Variants in CRTC3 observed in about 807,000 individuals in gnomAD.
The protein encoded by CRTC3 is CREB-regulated transcription coactivator 3.
Under a neutral mutation model 74.5 loss-of-function variants are expected in CRTC3, and 26 were observed. The ratio of observed to expected loss-of-function variants is 0.35; its 90% CI spans 0.26 to 0.48. The LOEUF is 0.48. Among genes scored for constraint, CRTC3 ranks in the 20% least tolerant of loss-of-function variants. The pLI is 0.99. For synonymous variants in CRTC3, 377 were observed against 325.8 expected (o/e 1.16, Z -1.69); for missense variants, 760 against 787.3 (o/e 0.97, Z 0.41).
chr15:90,587,814 A>G (rs977413189), intron 2 of CRTC3, among the ~76,000 whole-genome samples: 4 of 151,918 alleles, frequency 2.6e-5, no homozygotes, highest in African/African-American at 9.7e-5. Context: ...GGGTTTTGCC[A>G]TATTGCCAAG....
At chr15:90,549,568 G>T (rs1966850696) in intron 2 of CRTC3, among the ~76,000 whole-genome samples, 1 of 152,146 alleles carries the variant, frequency 6.6e-6, no homozygotes. Flanking sequence ...TTGAGCCCAG[G>T]AGTTGGAGAA....
rs1280868755 is a variant in CRTC3, at chr15:90,602,439, T to G, written c.413+54T>G. The G allele has an allele frequency of 3.1e-6, 3 of 961,880 alleles. No homozygotes were observed. In the African/African-American group the frequency reaches 4.9e-5, roughly 16 times the overall value. The allele number at this position is 961,880 out of a possible 1,614,324, so 59.6% of individuals were successfully genotyped here. ...ATGGGCATGTGTTATTTTTAGATAA[T>G]TTCACTTTATCCACTTTGAATGTTG... On this transcript the variant is annotated intron_variant, in intron 4 of 14. Coordinates refer to ENST00000268184, the MANE Select transcript of CRTC3 (RefSeq NM_022769.5).
chr15:90,530,648 C>T lies in CRTC3; in HGVS notation c.132+445C>T, dbSNP rs926976398. ...TGGAAGGCCGCGGGCACCCCAGGGT[C>T]CCACGCGCTCGTGGGGGGAGCTCTG... On this transcript the variant is annotated intron_variant, in intron 1 of 14. Transcript: ENST00000268184. This position sits in a 1 kb window ranked among gnomAD's most constrained non-coding sequence, Gnocchi z 6.2. The T allele has an allele frequency of 1.3e-5, 2 of 152,202 alleles. No individual in the cohort carries two copies. The highest frequency in any genetic ancestry group is 2.9e-5 in the Non-Finnish European group (2 of 68,062). The allele number at this position is 152,202 out of a possible 1,614,324, so 9.4% of individuals were successfully genotyped here.
intron 2 of CRTC3, among the ~76,000 whole-genome samples, chr15:90,564,491 C>T (rs1487646811): frequency 1.3e-5 from 2 of 152,192 alleles, no homozygotes; most frequent in South Asian, 2.1e-4. Flanking sequence ...CTCTGCCCTA[C>T]GTCTGGCCTT....
intron 2 of CRTC3, among the ~76,000 whole-genome samples, chr15:90,571,806 G>A (rs1422830974): frequency 6.6e-6 from 1 of 152,066 alleles, no homozygotes. Flanking sequence ...GCGTGTGTGT[G>A]TATATACATA....
At chr15:90,559,617 G>GTTGT (rs751786066) in intron 2 of CRTC3, among the ~76,000 whole-genome samples, 24 of 152,062 alleles carry the variant, frequency 1.6e-4, no homozygotes, top group East Asian at 7.7e-4. Flanking sequence ...TCATTTTGTG[G>GTTGT]TTGTTTGTTT....
intron 2 of CRTC3, among the ~76,000 whole-genome samples, chr15:90,572,029 G>A (rs1967279199): frequency 3.9e-5 from 6 of 152,056 alleles, no homozygotes; most frequent in Admixed American, 3.9e-4. Flanking sequence ...GGGCATGGTG[G>A]TGTGTGCCTG....
At chr15:90,583,645 GA>G (rs1451468736) in intron 2 of CRTC3, among the ~76,000 whole-genome samples, 2 of 152,192 alleles carry the variant, frequency 1.3e-5, no homozygotes, top group African/African-American at 4.8e-5. Context: ...GCTGCTGGGG[GA>G]AAAGCCTTCC....
At chr15:90,607,023 C>G (rs934419055) in intron 5 of CRTC3, among the ~76,000 whole-genome samples, 1 of 122,936 alleles carries the variant, frequency 8.1e-6, no homozygotes, top group African/African-American at 3.1e-5. Context: ...TGGAGAAAAC[C>G]TAGTGCAGCC....
At position 90,530,368 on chromosome 15, in the gene CRTC3, C is replaced by T. The variant is rs1966605854; in HGVS notation, c.132+165C>T. On this transcript the variant is annotated intron_variant, in intron 1 of 14. Coordinates refer to ENST00000268184, the MANE Select transcript of CRTC3 (RefSeq NM_022769.5). The surrounding 1 kb of genome is among the most constrained non-coding windows in gnomAD (Gnocchi z 6.2). ...CGGAGCGGCCGCGGCCTCGGCGTTTCCCCGCCTGGCGACACCCGCTAGCCG... is the reference window on the plus strand; with the variant it reads ...CGGAGCGGCCGCGGCCTCGGCGTTTTCCCGCCTGGCGACACCCGCTAGCCG... Among the ~76,000 whole-genome samples the T allele has an allele frequency of 6.6e-6, 1 of 151,732 alleles. No individual in the cohort carries two copies. The highest frequency in any genetic ancestry group is 1.5e-5 in the Non-Finnish European group (1 of 67,826).
At chr15:90,592,415 A>G (rs114952389) in intron 2 of CRTC3, among the ~76,000 whole-genome samples, 43 of 152,334 alleles carry the variant, frequency 2.8e-4, no homozygotes, top group African/African-American at 8.2e-4. Context: ...TCTGTTTTCT[A>G]TATTTCACAA....
At chr15:90,550,728 T>C (rs896316726) in intron 2 of CRTC3, among the ~76,000 whole-genome samples, 2 of 151,970 alleles carry the variant, frequency 1.3e-5, no homozygotes, top group Non-Finnish European at 2.9e-5. Flanking sequence ...TAAAGTAGCA[T>C]ATAGGTACCA....
intron 5 of CRTC3, among the ~76,000 whole-genome samples, chr15:90,605,293 T>C (rs779919411): frequency 5.9e-5 from 9 of 152,200 alleles, no homozygotes; most frequent in Non-Finnish European, 1.3e-4. Context: ...AAATTTTAAA[T>C]ATACTCAAAC....
chr15:90,581,902 C>G lies in CRTC3; in HGVS notation c.232-11734C>G, dbSNP rs1423782152. On this transcript the variant is annotated intron_variant, in intron 2 of 14. Transcript: ENST00000268184. ...GGTGCCTGTCTTTTACATATATTTCCTACGGCAGGAAGAGGTTGGTGTGGG... is the reference window on the plus strand; with the variant it reads ...GGTGCCTGTCTTTTACATATATTTCGTACGGCAGGAAGAGGTTGGTGTGGG... Among the ~76,000 whole-genome samples the G allele has an allele frequency of 2.0e-5, 3 of 152,144 alleles. 1 individual carries two copies. Among genetic ancestry groups the G allele is most frequent in the African/African-American group, 7.2e-5 (3 of 41,416 alleles).
At chr15:90,612,081 C>T (rs935558370) in intron 6 of CRTC3, among the ~76,000 whole-genome samples, 1 of 146,210 alleles carries the variant, frequency 6.8e-6, no homozygotes, top group South Asian at 2.2e-4. Context: ...CCTCCTCCTC[C>T]GCCTCCTCCT....
At chr15:90,537,324 A>G (rs1261141394) in intron 1 of CRTC3, among the ~76,000 whole-genome samples, 1 of 152,244 alleles carries the variant, frequency 6.6e-6, no homozygotes. Context: ...AGGAGGCGTC[A>G]GAGTTGTTTG....
chr15:90,642,117 A>C lies in CRTC3; in HGVS notation c.1837A>C (p.Thr613Pro). The change falls in exon 15 of 15, where the codon ACG (threonine) becomes CCG (proline). Residue 613 changes from threonine to proline, a missense_variant. Thr to Pro is a conservative substitution (Grantham distance 38). Coordinates refer to ENST00000268184, the MANE Select transcript of CRTC3 (RefSeq NM_022769.5). Reference sequence around the variant, plus strand: ...CCTGCTGGACCCCTCTGTTGAAGAGACGTTTCGAGCTGACAGACTGTGAAC... The same window carrying C: ...CCTGCTGGACCCCTCTGTTGAAGAGCCGTTTCGAGCTGACAGACTGTGAAC... ...MGLLDPSVEE[T>P]FRADRL 1 of 1,614,032 alleles carries C rather than the reference A, an allele frequency of 6.2e-7. No individual in the cohort carries two copies. Among genetic ancestry groups the C allele is most frequent in the East Asian group, 2.2e-5 (1 of 44,882 alleles).
intron 11 of CRTC3, among the ~76,000 whole-genome samples, chr15:90,635,798 G>A (rs991798566): frequency 3.3e-5 from 5 of 152,126 alleles, no homozygotes; most frequent in African/African-American, 7.2e-5. Context: ...CTTAAGATTC[G>A]ATCGTGAAAT....
chr15:90,564,162 G>C (rs1389099755), intron 2 of CRTC3, among the ~76,000 whole-genome samples: 2 of 152,162 alleles, frequency 1.3e-5, no homozygotes, highest in Admixed American at 1.3e-4. Flanking sequence ...TGAAGTCCAG[G>C]CTCTTTGATT....
Sources: gnomAD v4.1 joint callset for allele counts (sites outside exome capture counted in the v4.1 genomes callset) on GRCh38, gnomAD v4.1.1 for gene constraint, Gnocchi (gnomAD v3.1) non-coding constraint, MANE v1.5 for transcripts, NCBI Gene and HGNC (gene_info 2026-07-23, HGNC 2026-07-21) for gene names.